The following AP1B1 variants were observed in gnomAD, a reference collection of about 807,000 sequenced individuals.
AP1B1 encodes adaptor related protein complex 1 subunit beta 1.
Under a neutral mutation model 104.3 loss-of-function variants are expected in AP1B1, and 36 were observed. The observed-to-expected ratio is 0.35, with a 90% CI of 0.26 to 0.46. The LOEUF (loss-of-function observed/expected upper bound fraction) is 0.46, where lower values mean the gene tolerates loss of function less well. AP1B1 is among the 20% of genes least tolerant of loss of function. AP1B1 has a pLI of 1.00. For missense variants in AP1B1, 901 were observed against 1,247.9 expected, an observed-to-expected ratio of 0.72 and a Z score of 4.19; for synonymous variants, 504 against 517.5, an observed-to-expected ratio of 0.97 and a Z score of 0.35.
At chr22:29,338,445 C>T (rs779323013) in intron 16 of AP1B1, among the ~76,000 whole-genome samples, 2 of 152,160 alleles carry the variant, frequency 1.3e-5, no homozygotes, top group Admixed American at 1.3e-4. Flanking sequence ...CTGGGGTGAG[C>T]GGGCAGGCGT....
rs1237140838 is a variant in AP1B1, at chr22:29,342,324, G to C, written c.1497C>G (p.Thr499=). 6.2e-7 allele frequency: 1 copy of C among 1,614,094 alleles called. No homozygotes were observed. Among genetic ancestry groups the C allele is most frequent in the South Asian group, 1.1e-5 (1 of 91,064 alleles). Residue 499 remains threonine, a synonymous_variant, in exon 12 of 23, where the codon ACC becomes ACG. Coordinates refer to ENST00000357586, the MANE Select transcript of AP1B1 (RefSeq NM_001127.4). ...TGAGGACCTGCTGCACCAGCTCCTG[G>C]GTCTCTGTTGGCTTCTTTAGAAAGA... ...VKLFLKKPTE[T]QELVQQVLSL...
In AP1B1 at chr22:29,342,193, G is replaced by T. The variant is rs1328662095; in HGVS notation, c.1536+92C>A. 5 of 1,032,906 alleles carry T rather than the reference G, an allele frequency of 4.8e-6. No individual in the cohort carries two copies. The South Asian group carries it at 5.8e-5, about 12-fold the overall frequency. The allele number at this position is 1,032,906 out of a possible 1,614,324, so 64.0% of individuals were successfully genotyped here. On this transcript the variant is annotated intron_variant, in intron 12 of 22. Coordinates refer to ENST00000357586, the MANE Select transcript of AP1B1 (RefSeq NM_001127.4). ...CCCACAAGATACCTGTCTTAGGAGC[G>T]GGCCTGGCTTCCAGGTCTAGTTCCT...
Position 29,354,693 on chromosome 22 carries a change from G to A in AP1B1, c.895C>T (p.Gln299Ter). ...VTLLSAEPEL[Q>*]YVALRNINLI... ...TTGATGTTGCGCAGGGCCACATACT[G>A]CAGCTCTGGCTCGGCTGACAGCAGT... The change falls in exon 7 of 23, where the codon CAG becomes TAG. Residue 299 changes from glutamine (Q) to a stop codon, truncating the protein, a stop_gained. Coordinates refer to ENST00000357586, the MANE Select transcript of AP1B1 (RefSeq NM_001127.4). LOFTEE classifies it high-confidence loss of function. 2 of 1,614,104 alleles carry A rather than the reference G, an allele frequency of 1.2e-6. No homozygotes were observed. Among genetic ancestry groups the A allele is most frequent in the Non-Finnish European group, 1.7e-6 (2 of 1,180,026 alleles).
intron 4 of AP1B1, 53 bp downstream of exon 4, chr22:29,359,771 G>C: frequency 6.4e-7 from 1 of 1,572,482 alleles, no homozygotes. Context: ...AGACTGAGGG[G>C]AGACAGAGCC....
At position 29,354,827 on chromosome 22, in the gene AP1B1, G is replaced by A; in HGVS notation, c.761C>T (p.Ala254Val). The part of the protein sequence containing the change: ...VTPRLSHANS[A>V]VVLSAVKVLM... ...CACCTTCACAGCAGAGAGCACCACA[G>A]CGGAGTTGGCATGGGAGAGCCTGGG... Residue 254 changes from alanine to valine, a missense_variant, in exon 7 of 23, where the codon GCT becomes GTT. Ala to Val is a moderately conservative substitution (Grantham distance 64). Around this residue, in one of 3 missense-constraint regions of AP1B1, gnomAD observed 471 missense variants for 696.7 expected, o/e 0.68. Transcript: ENST00000357586. The A allele has an allele frequency of 1.2e-6, 2 of 1,614,132 alleles. No homozygotes were observed. The highest frequency in any genetic ancestry group is 8.5e-7 in the Non-Finnish European group (1 of 1,180,038).
chr22:29,359,216 A>T (rs940291044), intron 4 of AP1B1, among the ~76,000 whole-genome samples: 2 of 152,164 alleles, frequency 1.3e-5, no homozygotes, highest in Non-Finnish European at 2.9e-5. Flanking sequence ...CATTTTATAG[A>T]TGATGAAACT....
chr22:29,353,038 T>G (rs1369609805), intron 7 of AP1B1, among the ~76,000 whole-genome samples: 1 of 152,190 alleles, frequency 6.6e-6, no homozygotes, highest in Non-Finnish European at 1.5e-5. Context: ...CACCACATTT[T>G]TCCTGAACAA....
intron 10 of AP1B1, among the ~76,000 whole-genome samples, 168 bp from the exon 11 acceptor site, chr22:29,349,551 T>C (rs1330147029): frequency 6.6e-6 from 1 of 151,884 alleles, no homozygotes; most frequent in Admixed American, 6.5e-5. Flanking sequence ...TTTCACTCTG[T>C]TGCCCAGGCT....
chr22:29,364,611 G>A (rs2062102794), intron 2 of AP1B1, among the ~76,000 whole-genome samples: 2 of 152,174 alleles, frequency 1.3e-5, no homozygotes, highest in South Asian at 2.1e-4. Flanking sequence ...TACAGACGGG[G>A]TTTCACCATG....
intron 12 of AP1B1, among the ~76,000 whole-genome samples, 173 bp from the exon 13 acceptor site, chr22:29,341,933 G>C (rs898752338): frequency 6.6e-6 from 1 of 152,150 alleles, no homozygotes; most frequent in South Asian, 2.1e-4. Flanking sequence ...CCCTGGCCCC[G>C]GGCTCATTCC....
intron 11 of AP1B1, among the ~76,000 whole-genome samples, chr22:29,342,831 T>C (rs746245610): frequency 7.2e-5 from 11 of 152,210 alleles, no homozygotes; most frequent in Non-Finnish European, 1.5e-4. Flanking sequence ...CCTGTGCTTC[T>C]ACCAGAGGGT....
In AP1B1 at chr22:29,376,915, G is replaced by A. The variant is rs2062351938; in HGVS notation, c.-27-9645C>T. On this transcript the variant is annotated intron_variant, in intron 1 of 22. Transcript: ENST00000357586. ...CAATCTCCTTTTAAAAAGGGAAAGG[G>A]GCCGGGCATGCTGGCTCATGCCCAC... Among the ~76,000 whole-genome samples, 4 of 152,094 alleles carry A rather than the reference G, an allele frequency of 2.6e-5. No individual in the cohort carries two copies. In the South Asian group the frequency reaches 8.3e-4, roughly 32 times the overall value.
At chr22:29,338,911 G>A in intron 16 of AP1B1, 79 bp downstream of exon 16, 12 of 1,574,924 alleles carry the variant, frequency 7.6e-6, no homozygotes, top group East Asian at 2.2e-5. Context: ...TTCCACAGCC[G>A]AGGCCATTTA....
At chr22:29,330,808 C>A in intron 19 of AP1B1, 99 bp from the exon 20 acceptor site, 1 of 1,025,770 alleles carries the variant, frequency 9.7e-7, no homozygotes, top group East Asian at 2.6e-5. Flanking sequence ...TACTGTGCCA[C>A]GTGAAAGCTG....
intron 1 of AP1B1, among the ~76,000 whole-genome samples, chr22:29,372,160 C>T (rs1316346083): frequency 6.6e-6 from 1 of 152,074 alleles, no homozygotes; most frequent in Non-Finnish European, 1.5e-5. Context: ...TGGTGGCTCA[C>T]GCCTGTAATC....
chr22:29,351,209 C>T lies in AP1B1; in HGVS notation c.1117G>A (p.Ala373Thr). The change falls in exon 9 of 23, where the codon GCT becomes ACT. Residue 373 changes from alanine (A) to threonine (T), a missense_variant. Coordinates refer to ENST00000357586, the MANE Select transcript of AP1B1 (RefSeq NM_001127.4). ...GCGCAGCGGCCAATAGCACGCACAG[C>T]CTTCCGTACAAAGTCCACATCCACT... is the stretch of plus-strand genomic sequence containing the variant. Reference protein sequence around the residue: ...TEVDVDFVRKAVRAIGRCAIK... With the variant: ...TEVDVDFVRKTVRAIGRCAIK... The T allele has an allele frequency of 6.2e-7, 1 of 1,614,038 alleles. No homozygotes were observed. The highest frequency in any genetic ancestry group is 8.5e-7 in the Non-Finnish European group (1 of 1,179,902).
chr22:29,329,624 G>A (rs1443065748), intron 22 of AP1B1, 88 bp downstream of exon 22: 6 of 1,595,844 alleles, frequency 3.8e-6, no homozygotes, highest in East Asian at 2.2e-5. Flanking sequence ...GAGATGAGGT[G>A]CAGACAGGAG....
intron 3 of AP1B1, among the ~76,000 whole-genome samples, chr22:29,362,187 A>G (rs1195071496): frequency 2.0e-5 from 3 of 152,280 alleles, no homozygotes; most frequent in Admixed American, 2.0e-4. Flanking sequence ...TCTACACACA[A>G]CCGGCTTTAG....
intron 3 of AP1B1, among the ~76,000 whole-genome samples, chr22:29,361,581 G>A (rs895791647): frequency 6.6e-6 from 1 of 152,130 alleles, no homozygotes; most frequent in African/African-American, 2.4e-5. Flanking sequence ...AATGTTCTGT[G>A]CAGACTCTCA....
Sources: gnomAD v4.1 joint callset for allele counts (sites outside exome capture counted in the v4.1 genomes callset) on GRCh38, gnomAD v4.1.1 for gene constraint, gnomAD v4.1.1 regional missense constraint, MANE v1.5 for transcripts, NCBI Gene and HGNC (gene_info 2026-07-23, HGNC 2026-07-21) for gene names.